Variants in MIS18A observed in about 807,000 individuals in gnomAD.
The protein encoded by MIS18A is protein Mis18-alpha.
A neutral mutation model predicts 25.0 loss-of-function variants in MIS18A; 14 were observed. The ratio of observed to expected loss-of-function variants is 0.56; its 90% CI spans 0.37 to 0.88. The LOEUF is 0.88. Ranked by LOEUF, MIS18A falls within the 40% of genes least tolerant of loss-of-function variation. The pLI, the probability that MIS18A is intolerant of heterozygous loss-of-function variation, is 0.00. For missense variants in MIS18A, 292 were observed against 290.8 expected (o/e 1.00, Z -0.03); for synonymous variants, 134 against 118.6 (o/e 1.13, Z -0.84).
At chr21:32,190,832 G>A in the MIS18A span, among the ~76,000 whole-genome samples, 15,752 of 152,214 alleles carry the variant, frequency 0.1, 1,075 homozygotes, top group Admixed American at 0.17. Flanking sequence ...TGGAAAGTCC[G>A]CATTCATTAA....
At chr21:32,178,351 T>A in the MIS18A span, among the ~76,000 whole-genome samples, 78 of 152,360 alleles carry the variant, frequency 5.1e-4, no homozygotes, top group East Asian at 0.013. Flanking sequence ...GTTGTCATTT[T>A]TATATAGTCA....
the MIS18A span, among the ~76,000 whole-genome samples, chr21:32,196,380 G>A: frequency 2.6e-5 from 4 of 151,934 alleles, no homozygotes; most frequent in Non-Finnish European, 5.9e-5. Flanking sequence ...TAGGACTTAG[G>A]TCTCAGCTCT....
At chr21:32,226,286 AAAAAG>A in the MIS18A span, among the ~76,000 whole-genome samples, 1 of 151,658 alleles carries the variant, frequency 6.6e-6, no homozygotes, top group African/African-American at 2.4e-5. Flanking sequence ...ATAATAAAAA[AAAAAG>A]AAAAAAAAAA....
chr21:32,255,277 G>A, the MIS18A span, among the ~76,000 whole-genome samples: 343 of 151,904 alleles, frequency 2.3e-3, 1 homozygote, highest in Non-Finnish European at 3.2e-3. Flanking sequence ...ATTGCTCAGG[G>A]TAGAGTGCGG....
At chr21:32,242,511 AAAGTTTTTG>A in the MIS18A span, among the ~76,000 whole-genome samples, 1 of 152,190 alleles carries the variant, frequency 6.6e-6, no homozygotes, top group South Asian at 2.1e-4. Flanking sequence ...AAAAAAAGAA[AAAGTTTTTG>A]AGTGCTGGAG....
the MIS18A span, among the ~76,000 whole-genome samples, chr21:32,208,280 G>A: frequency 6.6e-6 from 1 of 152,154 alleles, no homozygotes; most frequent in African/African-American, 2.4e-5. Flanking sequence ...TTGAAGGTAG[G>A]GCCTGGTGGG....
At chr21:32,255,701 A>AAC in the MIS18A span, among the ~76,000 whole-genome samples, 4 of 151,632 alleles carry the variant, frequency 2.6e-5, no homozygotes, top group Non-Finnish European at 5.9e-5. Context: ...CATCCTGGCT[A>AAC]ACACGGTGAA....
At chr21:32,176,649 T>G in the MIS18A span, among the ~76,000 whole-genome samples, 1 of 151,628 alleles carries the variant, frequency 6.6e-6, no homozygotes, top group Non-Finnish European at 1.5e-5. Flanking sequence ...TGTCTAAAGA[T>G]CCATCTCAAG....
the MIS18A span, among the ~76,000 whole-genome samples, chr21:32,217,992 T>C: frequency 3.3e-5 from 5 of 151,676 alleles, no homozygotes; most frequent in African/African-American, 1.2e-4. Context: ...AGGAGATCGA[T>C]ACCATCCTGG....
downstream of MIS18A, among the ~76,000 whole-genome samples, chr21:32,265,849 C>A (rs2031588750): frequency 6.6e-6 from 1 of 152,240 alleles, no homozygotes; most frequent in Admixed American, 6.5e-5. Flanking sequence ...ATTGTAAATA[C>A]ACCAATCAGC....
chr21:32,169,915 A>C, the MIS18A span, among the ~76,000 whole-genome samples: 170 of 152,334 alleles, frequency 1.1e-3, no homozygotes, highest in African/African-American at 3.9e-3. Flanking sequence ...TCTGACTTCC[A>C]GAGTGGCTGC....
chr21:32,164,558 G>A, the MIS18A span, among the ~76,000 whole-genome samples: 1 of 151,858 alleles, frequency 6.6e-6, no homozygotes, highest in African/African-American at 2.4e-5. Flanking sequence ...TCTGTACAAC[G>A]CCAACTTAAC....
chr21:32,247,026 C>A, the MIS18A span, among the ~76,000 whole-genome samples: 13 of 152,150 alleles, frequency 8.5e-5, no homozygotes, highest in African/African-American at 2.9e-4. Context: ...GGGAAACACT[C>A]CATTTTGAGC....
the MIS18A span, among the ~76,000 whole-genome samples, chr21:32,223,987 A>T: frequency 6.6e-6 from 1 of 152,240 alleles, no homozygotes; most frequent in Non-Finnish European, 1.5e-5. Flanking sequence ...ACAAATCAAT[A>T]AATGTAATCC....
chr21:32,278,559 T>G, intron 1 of MIS18A, 122 bp downstream of exon 1: 3 of 1,053,592 alleles, frequency 2.8e-6, no homozygotes, highest in Non-Finnish European at 4.0e-6. Flanking sequence ...CTCTCAGACT[T>G]TTTGCTCTTA....
At chr21:32,173,127 T>C in the MIS18A span, among the ~76,000 whole-genome samples, 1 of 152,138 alleles carries the variant, frequency 6.6e-6, no homozygotes, top group Middle Eastern at 3.2e-3. Context: ...AATTAAAGTC[T>C]TTGGTGCTTC....
downstream of MIS18A, among the ~76,000 whole-genome samples, chr21:32,264,048 T>C (rs1173321701): frequency 1.3e-5 from 2 of 152,176 alleles, no homozygotes; most frequent in African/African-American, 2.4e-5. Flanking sequence ...CTAAAAAGTG[T>C]GAATTTCATA....
At chr21:32,245,230 A>T in the MIS18A span, among the ~76,000 whole-genome samples, 25 of 152,336 alleles carry the variant, frequency 1.6e-4, no homozygotes, top group Admixed American at 5.9e-4. Context: ...ATGCTCCTGA[A>T]CACCCAAACT....
the MIS18A span, among the ~76,000 whole-genome samples, chr21:32,262,067 G>A: frequency 8.5e-5 from 13 of 152,218 alleles, no homozygotes; most frequent in African/African-American, 2.9e-4. Context: ...ACAGAAGGAA[G>A]GCACTAGGTC....
Sources: gnomAD v4.1 joint callset for allele counts (sites outside exome capture counted in the v4.1 genomes callset) on GRCh38, gnomAD v4.1.1 for gene constraint, MANE v1.5 for transcripts, NCBI Gene and HGNC (gene_info 2026-07-23, HGNC 2026-07-21) for gene names.